ENOX1: variants seen among roughly 807,000 people sequenced by gnomAD.
ENOX1 encodes ecto-NOX disulfide-thiol exchanger 1, also known as candidate growth-related and time keeping constitutive hydroquinone (NADH) oxidase.
Under a neutral mutation model 82.5 loss-of-function variants are expected in ENOX1, and 42 were observed. That is an observed-to-expected ratio of 0.51 (90% CI 0.40 to 0.66). The LOEUF (loss-of-function observed/expected upper bound fraction) is 0.66. ENOX1 is among the 30% of genes least tolerant of loss of function. The pLI is 0.00. For synonymous variants in ENOX1, 271 were observed against 282.2 expected, an observed-to-expected ratio of 0.96 and a Z score of 0.40; for missense variants, 608 against 811.6, an observed-to-expected ratio of 0.75 and a Z score of 3.05.
intron 2 of ENOX1, among the ~76,000 whole-genome samples, chr13:43,658,508 C>G (rs910553424): frequency 6.6e-6 from 1 of 152,100 alleles, no homozygotes; most frequent in African/African-American, 2.4e-5. Context: ...ATGATTATAT[C>G]TCATTTTCTG....
rs559255769 is a variant in ENOX1, at chr13:43,335,779, A to G, written c.1036+8759T>C. Reference sequence around the variant, plus strand: ...GAAAGGAAGGATACCAAAAAAAAAAAAAAAGAAAAGAAAAAAAAGACTCAT... The same window carrying G: ...GAAAGGAAGGATACCAAAAAAAAAAGAAAAGAAAAGAAAAAAAAGACTCAT... On this transcript the variant is annotated intron_variant, in intron 9 of 16. Transcript: ENST00000690772. 1.8e-3 allele frequency among the ~76,000 whole-genome samples: 274 copies of G among 150,878 alleles called. 2 individuals carry two copies. The highest frequency in any genetic ancestry group is 6.2e-3 in the African/African-American group (254 of 40,658).
At chr13:43,468,326 C>T (rs1406918634) in intron 3 of ENOX1, among the ~76,000 whole-genome samples, 2 of 151,750 alleles carry the variant, frequency 1.3e-5, no homozygotes, top group African/African-American at 4.8e-5. Flanking sequence ...GGACTACAGG[C>T]GCATGCCACC....
intron 2 of ENOX1, among the ~76,000 whole-genome samples, chr13:43,598,947 G>C (rs1047695960): frequency 6.6e-6 from 1 of 152,138 alleles, no homozygotes; most frequent in African/African-American, 2.4e-5. Flanking sequence ...GAATGTCACT[G>C]ACCCACGTAA....
intron 5 of ENOX1, among the ~76,000 whole-genome samples, chr13:43,391,136 C>T (rs182063910): frequency 3.1e-3 from 470 of 152,232 alleles, no homozygotes; most frequent in Non-Finnish European, 5.1e-3. Context: ...AGTCTTTTAA[C>T]TTTGCCCCTC....
chr13:43,522,042 T>C (rs1384468444), intron 2 of ENOX1, among the ~76,000 whole-genome samples: 1 of 152,148 alleles, frequency 6.6e-6, no homozygotes, highest in Non-Finnish European at 1.5e-5. Flanking sequence ...AGCAGCATTG[T>C]GGATATCAAG....
chr13:43,521,219 T>C (rs1046481976), intron 2 of ENOX1, among the ~76,000 whole-genome samples: 1 of 152,134 alleles, frequency 6.6e-6, no homozygotes, highest in Admixed American at 6.5e-5. Context: ...AATAATTAAA[T>C]TTTATATTTT....
At chr13:43,717,106 A>G (rs1260511324) in intron 1 of ENOX1, among the ~76,000 whole-genome samples, 1 of 152,216 alleles carries the variant, frequency 6.6e-6, no homozygotes, top group East Asian at 1.9e-4. Flanking sequence ...CGAAAAGAAC[A>G]AAGCCAGAGG....
intron 1 of ENOX1, among the ~76,000 whole-genome samples, chr13:43,677,784 T>G (rs1390528005): frequency 6.6e-6 from 1 of 152,224 alleles, no homozygotes; most frequent in Admixed American, 6.5e-5. Flanking sequence ...TGCACAATGC[T>G]ACACAAGTGA....
At chr13:43,738,677 C>T (rs183493572) in intron 1 of ENOX1, among the ~76,000 whole-genome samples, 15 of 152,206 alleles carry the variant, frequency 9.9e-5, no homozygotes, top group Non-Finnish European at 2.9e-5. Flanking sequence ...GTAATGTTTG[C>T]TCAGTTATTT....
At chr13:43,479,790 G>A (rs1304915086) in intron 3 of ENOX1, among the ~76,000 whole-genome samples, 1 of 152,220 alleles carries the variant, frequency 6.6e-6, no homozygotes, top group African/African-American at 2.4e-5. Context: ...TGAAGTTTCT[G>A]TAGTCTGGGC....
At chr13:43,723,465 C>T (rs2088712544) in intron 1 of ENOX1, among the ~76,000 whole-genome samples, 1 of 152,146 alleles carries the variant, frequency 6.6e-6, no homozygotes, top group South Asian at 2.1e-4. Flanking sequence ...AATGACATCA[C>T]CACAAATTTC....
At chr13:43,384,203 AATTATT>A (rs1172651528) in intron 5 of ENOX1, among the ~76,000 whole-genome samples, 1 of 152,242 alleles carries the variant, frequency 6.6e-6, no homozygotes, top group Non-Finnish European at 1.5e-5. Context: ...AAATGCAAGC[AATTATT>A]ATTATTAACA....
At chr13:43,628,800 G>A (rs1446482835) in intron 2 of ENOX1, among the ~76,000 whole-genome samples, 1 of 152,164 alleles carries the variant, frequency 6.6e-6, no homozygotes, top group African/African-American at 2.4e-5. Context: ...ATATTGCCAG[G>A]TATAAAGGTC....
At chr13:43,462,252 GC>G (rs1204824610) in intron 3 of ENOX1, among the ~76,000 whole-genome samples, 2 of 152,224 alleles carry the variant, frequency 1.3e-5, no homozygotes, top group South Asian at 4.1e-4. Flanking sequence ...TAATGCAAGA[GC>G]TTTTCTTCTG....
chr13:43,626,600 T>C (rs2153748918), intron 2 of ENOX1, among the ~76,000 whole-genome samples: 1 of 152,024 alleles, frequency 6.6e-6, no homozygotes, highest in Middle Eastern at 3.4e-3. Context: ...GTGTTGGAAA[T>C]TGTCCTCTTA....
intron 2 of ENOX1, among the ~76,000 whole-genome samples, chr13:43,556,772 C>A (rs1212664024): frequency 1.3e-5 from 2 of 151,128 alleles, no homozygotes; most frequent in Non-Finnish European, 2.9e-5. Context: ...ATAAGTCACC[C>A]AATACTTAAA....
At position 43,575,479 on chromosome 13, in the gene ENOX1, G is replaced by T. The variant is rs147738869; in HGVS notation, c.-218-91327C>A. Among the ~76,000 whole-genome samples the T allele has an allele frequency of 2.1e-3, 325 of 152,270 alleles. 2 individuals are homozygous for T. The highest frequency in any genetic ancestry group is 0.01 in the Middle Eastern group (3 of 294). On this transcript the variant is annotated intron_variant, in intron 2 of 16. Transcript: ENST00000690772. ...ATACATCAACTACACTCTGGGCAGA[G>T]GTAAGTGACACAGAAGATTTCCATA...
At chr13:43,589,896 C>CA (rs56787803) in intron 2 of ENOX1, among the ~76,000 whole-genome samples, 4,225 of 108,692 alleles carry the variant, frequency 0.039, 77 homozygotes, top group Middle Eastern at 0.077. Context: ...GTCTATTCTG[C>CA]AAAAAAAAAA....
intron 5 of ENOX1, among the ~76,000 whole-genome samples, chr13:43,374,730 C>A (rs749482286): frequency 7.9e-5 from 12 of 152,166 alleles, no homozygotes; most frequent in Admixed American, 2.6e-4. Context: ...AGCTGGTCCT[C>A]ATTATATCTC....
Sources: gnomAD v4.1 joint callset for allele counts (sites outside exome capture counted in the v4.1 genomes callset) on GRCh38, gnomAD v4.1.1 for gene constraint, MANE v1.5 for transcripts, NCBI Gene and HGNC (gene_info 2026-07-23, HGNC 2026-07-21) for gene names.